The following CDK6 variants were observed in gnomAD, a reference collection of about 807,000 sequenced individuals.
CDK6 encodes the protein cyclin dependent kinase 6.
In CDK6, 6 loss-of-function variants were observed where a neutral mutation model predicts 37.1. The ratio of observed to expected loss-of-function variants is 0.16; its 90% CI spans 0.09 to 0.32. CDK6 has a LOEUF of 0.32. CDK6 is among the 10% of genes least tolerant of loss of function. CDK6 has a pLI of 1.00. For synonymous variants in CDK6, 160 were observed against 161.3 expected (o/e 0.99, Z 0.06); for missense variants, 224 against 418.9 (o/e 0.53, Z 4.06).
chr7:92,608,841 C>T lies in CDK6; in HGVS notation c.*6299G>A, dbSNP rs566160799. The T allele has an allele frequency of 1.5e-4, 35 of 232,194 alleles. No individual in the cohort carries two copies. The highest frequency in any genetic ancestry group is 2.3e-4 in the Non-Finnish European group (27 of 117,320). The allele number at this position is 232,194 out of a possible 1,614,324, so 14.4% of individuals were successfully genotyped here. ...GGTGAGTGGGAGGCGGGGCCCCAGC[C>T]CGGCCTCGCCCACTGCCTCTCTCCT... On this transcript the variant is annotated 3_prime_UTR_variant, in exon 8 of 8. Transcript: ENST00000424848.
chr7:92,799,104 T>C (rs1435170447), intron 2 of CDK6, among the ~76,000 whole-genome samples: 1 of 152,212 alleles, frequency 6.6e-6, no homozygotes, highest in Non-Finnish European at 1.5e-5. Flanking sequence ...CCTATCTCTA[T>C]CAGATTGTCA....
At chr7:92,646,142 CTAT>C (rs1311102940) in intron 5 of CDK6, among the ~76,000 whole-genome samples, 3 of 152,190 alleles carry the variant, frequency 2.0e-5, no homozygotes, top group African/African-American at 7.2e-5. Context: ...CAGGAAGCCC[CTAT>C]TATTCTAGTT....
At chr7:92,747,354 C>T (rs746485475) in intron 3 of CDK6, among the ~76,000 whole-genome samples, 2 of 152,156 alleles carry the variant, frequency 1.3e-5, no homozygotes, top group Non-Finnish European at 2.9e-5. Flanking sequence ...TAAACGAGCA[C>T]ACTGCTACCA....
At chr7:92,727,853 G>A (rs1428950007) in intron 3 of CDK6, among the ~76,000 whole-genome samples, 1 of 152,154 alleles carries the variant, frequency 6.6e-6, no homozygotes, top group African/African-American at 2.4e-5. Flanking sequence ...GTGTGAAAAT[G>A]TAGCACAAAA....
At chr7:92,763,260 G>T (rs2115733301) in intron 3 of CDK6, among the ~76,000 whole-genome samples, 1 of 152,274 alleles carries the variant, frequency 6.6e-6, no homozygotes, top group Non-Finnish European at 1.5e-5. Flanking sequence ...AGCCACATTG[G>T]TGTCAGCACT....
At chr7:92,628,947 G>T (rs775486724) in intron 5 of CDK6, among the ~76,000 whole-genome samples, 1 of 152,030 alleles carries the variant, frequency 6.6e-6, no homozygotes, top group African/African-American at 2.4e-5. Flanking sequence ...GGAAGACAAA[G>T]AAAGAGAAGT....
At chr7:92,825,986 A>C (rs1801301388) in intron 2 of CDK6, among the ~76,000 whole-genome samples, 1 of 152,130 alleles carries the variant, frequency 6.6e-6, no homozygotes, top group African/African-American at 2.4e-5. Flanking sequence ...AGTATTTCCT[A>C]AATTATTTCC....
At chr7:92,714,147 C>G (rs1023439329) in intron 4 of CDK6, among the ~76,000 whole-genome samples, 25 of 152,262 alleles carry the variant, frequency 1.6e-4, no homozygotes, top group African/African-American at 6.0e-4. Context: ...TACTATATTA[C>G]AGGCAAATCA....
chr7:92,655,151 A>G (rs1796666893), intron 5 of CDK6, among the ~76,000 whole-genome samples: 1 of 151,956 alleles, frequency 6.6e-6, no homozygotes, highest in South Asian at 2.1e-4. Context: ...TGGCCACCAA[A>G]TGGATTTTTC....
intron 2 of CDK6, among the ~76,000 whole-genome samples, chr7:92,808,261 G>A (rs1353664085): frequency 6.6e-6 from 1 of 152,232 alleles, no homozygotes; most frequent in Non-Finnish European, 1.5e-5. Flanking sequence ...CTGCGGGGCA[G>A]CATCAGAAGC....
intron 2 of CDK6, among the ~76,000 whole-genome samples, chr7:92,821,708 ATT>A (rs775686264): frequency 1.3e-5 from 2 of 150,972 alleles, no homozygotes; most frequent in African/African-American, 2.4e-5. Flanking sequence ...TACTATATAT[ATT>A]GTATAAATTA....
chr7:92,822,274 A>G (rs1801193734), intron 2 of CDK6, among the ~76,000 whole-genome samples: 1 of 152,156 alleles, frequency 6.6e-6, no homozygotes, highest in South Asian at 2.1e-4. Flanking sequence ...TGGATGAATT[A>G]GCTTAGAAAG....
At chr7:92,782,533 G>A (rs1289086543) in intron 2 of CDK6, among the ~76,000 whole-genome samples, 1 of 152,178 alleles carries the variant, frequency 6.6e-6, no homozygotes, top group East Asian at 1.9e-4. Context: ...TAGGACTTCT[G>A]GGAGAGTAAA....
intron 7 of CDK6, among the ~76,000 whole-genome samples, chr7:92,616,376 A>G (rs1379862798): frequency 6.6e-6 from 1 of 152,194 alleles, no homozygotes; most frequent in African/African-American, 2.4e-5. Context: ...AGAAAGTTCT[A>G]TGTGTAATTT....
intron 2 of CDK6, among the ~76,000 whole-genome samples, chr7:92,776,798 T>A (rs1202672139): frequency 6.6e-6 from 1 of 152,350 alleles, no homozygotes; most frequent in Middle Eastern, 3.4e-3. Context: ...CCCTGTAGAT[T>A]CTGGATATTA....
chr7:92,694,084 T>G (rs1797655928), intron 4 of CDK6, among the ~76,000 whole-genome samples: 1 of 152,142 alleles, frequency 6.6e-6, no homozygotes, highest in Non-Finnish European at 1.5e-5. Context: ...AGGGGGTATG[T>G]GACTAGATGG....
At chr7:92,808,883 A>C (rs1426596774) in intron 2 of CDK6, among the ~76,000 whole-genome samples, 1 of 152,176 alleles carries the variant, frequency 6.6e-6, no homozygotes, top group Non-Finnish European at 1.5e-5. Flanking sequence ...TTTTGTTTGG[A>C]TTACATGTGC....
chr7:92,733,163 G>C (rs1284178786), intron 3 of CDK6, among the ~76,000 whole-genome samples: 2 of 152,060 alleles, frequency 1.3e-5, no homozygotes, highest in African/African-American at 2.4e-5. Context: ...AGACCCAATG[G>C]GGCCTGTACC....
chr7:92,785,956 C>T (rs1800121090), intron 2 of CDK6, among the ~76,000 whole-genome samples: 1 of 152,140 alleles, frequency 6.6e-6, no homozygotes, highest in Admixed American at 6.5e-5. Flanking sequence ...TTTCCCTTGA[C>T]TAGTTAGAAA....
Sources: gnomAD v4.1 joint callset for allele counts (sites outside exome capture counted in the v4.1 genomes callset) on GRCh38, gnomAD v4.1.1 for gene constraint, MANE v1.5 for transcripts, NCBI Gene and HGNC (gene_info 2026-07-23, HGNC 2026-07-21) for gene names.